The following SLCO5A1 variants were observed in gnomAD, a reference collection of about 807,000 sequenced individuals.
SLCO5A1 encodes the protein solute carrier organic anion transporter family member 5A1, also known as organic anion transporter polypeptide-related protein 4.
SLCO5A1 carries 39 observed loss-of-function variants against 65.1 expected under a neutral mutation model. The ratio of observed to expected loss-of-function variants is 0.60; its 90% CI spans 0.46 to 0.78. The LOEUF (loss-of-function observed/expected upper bound fraction) is 0.78. Ranked by LOEUF, SLCO5A1 falls within the 30% of genes least tolerant of loss-of-function variation. The pLI, the probability that SLCO5A1 is intolerant of heterozygous loss-of-function variation, is 0.00. For missense variants in SLCO5A1, 1,029 were observed against 1,069.4 expected, an observed-to-expected ratio of 0.96 and a Z score of 0.53; for synonymous variants, 438 against 415.7, an observed-to-expected ratio of 1.05 and a Z score of -0.65.
chr8:69,690,761 G>A (rs776973236), intron 6 of SLCO5A1, among the ~76,000 whole-genome samples: 8 of 152,086 alleles, frequency 5.3e-5, no homozygotes, highest in African/African-American at 1.9e-4. Context: ...CAACAGTCTC[G>A]GCCAAGAGCA....
At chr8:69,743,070 G>A (rs1174320461) in intron 4 of SLCO5A1, among the ~76,000 whole-genome samples, 1 of 152,106 alleles carries the variant, frequency 6.6e-6, no homozygotes, top group Non-Finnish European at 1.5e-5. Flanking sequence ...AAAGTGCTGG[G>A]ATTACAGGCG....
chr8:69,714,877 G>T (rs1815439069), intron 5 of SLCO5A1: 1 of 152,174 alleles, frequency 6.6e-6, no homozygotes, highest in Admixed American at 6.5e-5. Context: ...AGAGAAATAT[G>T]AGAACCCCAA....
intron 2 of SLCO5A1, among the ~76,000 whole-genome samples, chr8:69,787,824 G>A (rs761597169): frequency 6.6e-6 from 1 of 152,140 alleles, no homozygotes; most frequent in African/African-American, 2.4e-5. Context: ...CCAGGCACTA[G>A]CTATACATGA....
At chr8:69,812,844 A>C (rs1365879741) in intron 2 of SLCO5A1, among the ~76,000 whole-genome samples, 1 of 152,214 alleles carries the variant, frequency 6.6e-6, no homozygotes. Flanking sequence ...TGTTAGATTT[A>C]TGTATATCTT....
intron 6 of SLCO5A1, among the ~76,000 whole-genome samples, chr8:69,683,851 C>T (rs1400067545): frequency 6.6e-6 from 1 of 152,194 alleles, no homozygotes; most frequent in Non-Finnish European, 1.5e-5. Context: ...CGTGAGCAAC[C>T]ATGCCTGGCC....
At chr8:69,755,399 T>C in intron 4 of SLCO5A1, 25 bp downstream of exon 4, 1 of 1,593,652 alleles carries the variant, frequency 6.3e-7, no homozygotes, top group Non-Finnish European at 8.6e-7. Flanking sequence ...GCCATGCATG[T>C]ATTTATTCAA....
At position 69,672,881 on chromosome 8, in the gene SLCO5A1, C is replaced by T. The variant is rs776037481; in HGVS notation, c.2535G>A (p.Glu845=). The change falls in exon 10 of 10, where the codon GAG becomes GAA. Residue 845 remains glutamate, a synonymous_variant. Transcript: ENST00000260126. ...CCATTTTCAAGCTTCAGGAGGGCGG[C>T]TCCAAGGCAGCGGGGCTCTCTTCCA... ...PGLEESPAAL[E]PPS is the part of the protein sequence containing the mutation. 5.0e-6 allele frequency: 8 copies of T among 1,609,580 alleles called. No homozygotes were observed. The highest frequency in any genetic ancestry group is 3.3e-5 in the Admixed American group (2 of 59,792).
rs1406005516 is a variant in SLCO5A1 at position 69,668,920 on chromosome 8, AC to A, written c.*3948del. On this transcript the variant is annotated 3_prime_UTR_variant, in exon 10 of 10. Coordinates refer to ENST00000260126, the MANE Select transcript of SLCO5A1 (RefSeq NM_030958.3). ...TGTATTTTATGTGTGTTCACTTAAA[AC>A]CCTTATTAGGAATCTTAAAACTCAT... 1 of 152,016 alleles carries A rather than the reference AC, an allele frequency of 6.6e-6. No homozygotes were observed. Among genetic ancestry groups the A allele is most frequent in the Non-Finnish European group, 1.5e-5 (1 of 67,998 alleles). The allele number at this position is 152,016 out of a possible 1,614,324, so 9.4% of individuals were successfully genotyped here.
chr8:69,754,109 A>G (rs1817448193), intron 4 of SLCO5A1, among the ~76,000 whole-genome samples: 1 of 151,892 alleles, frequency 6.6e-6, no homozygotes, highest in South Asian at 2.1e-4. Flanking sequence ...CACTCTTTTG[A>G]TAGTAGCCAT....
chr8:69,726,428 A>G (rs16936378), intron 5 of SLCO5A1, among the ~76,000 whole-genome samples: 3,423 of 151,470 alleles, frequency 0.023, 118 homozygotes, highest in South Asian at 0.091. Context: ...TTCAGTTCAG[A>G]TGAGATTATT....
intron 2 of SLCO5A1, among the ~76,000 whole-genome samples, chr8:69,778,178 T>C (rs529764504): frequency 6.6e-6 from 1 of 152,084 alleles, no homozygotes; most frequent in East Asian, 1.9e-4. Context: ...GGTTCGGGGG[T>C]ATCCCCTGCA....
intron 2 of SLCO5A1, among the ~76,000 whole-genome samples, chr8:69,807,783 A>G (rs2130908710): frequency 6.6e-6 from 1 of 152,306 alleles, no homozygotes; most frequent in South Asian, 2.1e-4. Flanking sequence ...GGCTCACTGC[A>G]AACTCTGCCT....
chr8:69,782,331 C>T (rs143597168), intron 2 of SLCO5A1, among the ~76,000 whole-genome samples: 1 of 152,042 alleles, frequency 6.6e-6, no homozygotes, highest in African/African-American at 2.4e-5. Context: ...CCTGTAATCC[C>T]AAGACCTTGG....
chr8:69,773,910 C>T (rs1293558125), intron 2 of SLCO5A1, among the ~76,000 whole-genome samples: 1 of 151,788 alleles, frequency 6.6e-6, no homozygotes, highest in Non-Finnish European at 1.5e-5. Flanking sequence ...CAGTGTTCCA[C>T]ACATCTACAC....
At chr8:69,785,273 G>A (rs1819005795) in intron 2 of SLCO5A1, among the ~76,000 whole-genome samples, 1 of 152,160 alleles carries the variant, frequency 6.6e-6, no homozygotes, top group Non-Finnish European at 1.5e-5. Context: ...GACATTTTGG[G>A]TGATGGAAAC....
In SLCO5A1 at chr8:69,721,065, C is replaced by T. The variant is rs1439785847; in HGVS notation, c.1424-15836G>A. On this transcript the variant is annotated intron_variant, in intron 5 of 9. Coordinates refer to ENST00000260126, the MANE Select transcript of SLCO5A1 (RefSeq NM_030958.3). The stretch of plus-strand genomic sequence containing the variant: ...CTACATTTCCCAGCCTCCCTTGCAA[C>T]TAGGTGTGGCCATGTGGCAAGTCCT... 2.0e-5 allele frequency among the ~76,000 whole-genome samples: 3 copies of T among 152,220 alleles called. 1 individual carries two copies.
intron 5 of SLCO5A1, among the ~76,000 whole-genome samples, chr8:69,732,905 T>A (rs568284737): frequency 1.3e-5 from 2 of 151,896 alleles, no homozygotes; most frequent in East Asian, 3.9e-4. Context: ...AAAAATCACA[T>A]AGAAATATTT....
chr8:69,745,229 C>A (rs1452230568), intron 4 of SLCO5A1, among the ~76,000 whole-genome samples: 1 of 151,880 alleles, frequency 6.6e-6, no homozygotes, highest in East Asian at 1.9e-4. Context: ...TCTTTTTTAA[C>A]CTTCATTAAT....
At chr8:69,815,123 A>C (rs573175972) in intron 2 of SLCO5A1, among the ~76,000 whole-genome samples, 1 of 152,180 alleles carries the variant, frequency 6.6e-6, no homozygotes, top group Non-Finnish European at 1.5e-5. Flanking sequence ...AGTGTGGTAC[A>C]TTTCACAATT....
Sources: allele counts gnomAD v4.1 joint callset (sites outside exome capture counted in the v4.1 genomes callset), GRCh38; gene constraint gnomAD v4.1.1; transcripts MANE v1.5; gene names NCBI Gene and HGNC (gene_info 2026-07-23, HGNC 2026-07-21).